Variants in PHACTR1 observed in about 807,000 individuals in gnomAD.
PHACTR1 encodes the protein phosphatase and actin regulator 1, also known as RPEL repeat containing 1.
Under a neutral mutation model 69.2 loss-of-function variants are expected in PHACTR1, and 16 were observed. The observed-to-expected ratio is 0.23, with a 90% CI of 0.16 to 0.35. The LOEUF (loss-of-function observed/expected upper bound fraction) is 0.35. PHACTR1 is among the 10% of genes least tolerant of loss of function. The pLI, the probability that PHACTR1 is intolerant of heterozygous loss-of-function variation, is 1.00. For synonymous variants in PHACTR1, 312 were observed against 284.5 expected (o/e 1.10, Z -0.97); for missense variants, 510 against 734.7 (o/e 0.69, Z 3.54).
intron 4 of PHACTR1, among the ~76,000 whole-genome samples, chr6:12,926,811 C>T (rs1788313657): frequency 6.6e-6 from 1 of 152,220 alleles, no homozygotes; most frequent in Non-Finnish European, 1.5e-5. Flanking sequence ...ATCATGAGCT[C>T]ACAGTACTTA....
rs533376507 is a variant in PHACTR1 at position 13,272,824 on chromosome 6, T to G, written c.1392-36T>G. ...AATTAATGACCCAAGGAGGCTATGA[T>G]ATGGTCCAAAAACTTTTCCTGGATT... On this transcript the variant is annotated intron_variant, in intron 10 of 14. Transcript: ENST00000332995. 4.6e-5 allele frequency: 75 copies of G among 1,614,056 alleles called. No individual in the cohort carries two copies. The South Asian group carries it at 7.7e-4, about 17-fold the overall frequency.
At chr6:13,075,740 A>G (rs139499803) in intron 5 of PHACTR1, among the ~76,000 whole-genome samples, 2 of 152,266 alleles carry the variant, frequency 1.3e-5, no homozygotes, top group East Asian at 3.9e-4. Flanking sequence ...TGGCCAGGCT[A>G]TGTTCAAGTC....
At chr6:13,023,117 A>G (rs1025452229) in intron 4 of PHACTR1, among the ~76,000 whole-genome samples, 2 of 152,214 alleles carry the variant, frequency 1.3e-5, no homozygotes, top group Non-Finnish European at 2.9e-5. Flanking sequence ...TAGATTATCC[A>G]GTGTCCAATT....
chr6:12,939,651 A>G (rs1352550683), intron 4 of PHACTR1, among the ~76,000 whole-genome samples: 1 of 152,148 alleles, frequency 6.6e-6, no homozygotes, highest in Non-Finnish European at 1.5e-5. Context: ...GTGGAATTCT[A>G]CATCTCAGAG....
chr6:12,886,434 T>G (rs1384752999), intron 4 of PHACTR1, among the ~76,000 whole-genome samples: 1 of 152,240 alleles, frequency 6.6e-6, no homozygotes. Context: ...CACTTGTTTC[T>G]ACTAACCGCT....
intron 4 of PHACTR1, among the ~76,000 whole-genome samples, chr6:12,878,424 G>A (rs746482929): frequency 2.2e-4 from 34 of 152,318 alleles, no homozygotes; most frequent in Non-Finnish European, 4.0e-4. Context: ...TTTAACGGTA[G>A]AAAAATGTCA....
chr6:13,012,606 C>G (rs1488449432), intron 4 of PHACTR1, among the ~76,000 whole-genome samples: 1 of 152,172 alleles, frequency 6.6e-6, no homozygotes, highest in Non-Finnish European at 1.5e-5. Context: ...ACCTGGGGAG[C>G]TTGTTAAAGG....
intron 5 of PHACTR1, among the ~76,000 whole-genome samples, chr6:13,092,343 T>C (rs1813424303): frequency 6.6e-6 from 1 of 152,182 alleles, no homozygotes; most frequent in Admixed American, 6.5e-5. Flanking sequence ...TTTTAACAAA[T>C]ATTTCTTGAA....
Position 13,287,205 on chromosome 6 carries a change from A to G in PHACTR1, c.*127A>G. On this transcript the variant is annotated 3_prime_UTR_variant, in exon 15 of 15. Transcript: ENST00000332995. Reference sequence around the variant, plus strand: ...CTGAACTGCCTTTTTTTTAAAAAGAAGAAAAATCAAGGAAACACAATCAGG... The same window carrying G: ...CTGAACTGCCTTTTTTTTAAAAAGAGGAAAAATCAAGGAAACACAATCAGG... 1 of 971,398 alleles carries G rather than the reference A, an allele frequency of 1.0e-6. No homozygotes were observed. Among genetic ancestry groups the G allele is most frequent in the Non-Finnish European group, 1.5e-6 (1 of 663,574 alleles). The allele number at this position is 971,398 out of a possible 1,614,324, so 60.2% of individuals were successfully genotyped here.
intron 4 of PHACTR1, among the ~76,000 whole-genome samples, chr6:12,930,084 C>T (rs1028513946): frequency 6.6e-6 from 1 of 151,654 alleles, no homozygotes; most frequent in Admixed American, 6.6e-5. Context: ...GCTCTGTCAC[C>T]CAGGCTGGAG....
At chr6:12,736,566 T>C (rs1223832299) in intron 3 of PHACTR1, among the ~76,000 whole-genome samples, 1 of 152,184 alleles carries the variant, frequency 6.6e-6, no homozygotes, top group Non-Finnish European at 1.5e-5. Flanking sequence ...ATATCAATAT[T>C]TGTCCACAGC....
chr6:12,837,471 T>C (rs1198479492), intron 4 of PHACTR1, among the ~76,000 whole-genome samples: 1 of 152,178 alleles, frequency 6.6e-6, no homozygotes, highest in Non-Finnish European at 1.5e-5. Flanking sequence ...TTAAAGGCAT[T>C]GTCTCATCAG....
chr6:13,032,655 T>C (rs1228486071), intron 4 of PHACTR1, among the ~76,000 whole-genome samples: 2 of 152,118 alleles, frequency 1.3e-5, no homozygotes, highest in African/African-American at 2.4e-5. Flanking sequence ...TCTAGCTCTG[T>C]TGCCAGGCTG....
intron 4 of PHACTR1, among the ~76,000 whole-genome samples, chr6:12,894,489 C>T (rs1375675660): frequency 6.6e-6 from 1 of 152,220 alleles, no homozygotes; most frequent in Non-Finnish European, 1.5e-5. Flanking sequence ...CCTATAATCC[C>T]ACCTACTTGG....
chr6:12,864,752 G>A lies in PHACTR1; in HGVS notation c.250+114962G>A, dbSNP rs547527195. 3.9e-5 allele frequency among the ~76,000 whole-genome samples: 6 copies of A among 151,916 alleles called. No homozygotes were observed. In the East Asian group the frequency reaches 1.2e-3, roughly 29 times the overall value. The stretch of plus-strand genomic sequence containing the variant: ...TAAATTCTAAGAAATAATTCCTTCA[G>A]TTAATTTGTCCTTTTGAAGAGATTC... On this transcript the variant is annotated intron_variant, in intron 4 of 14. Coordinates refer to ENST00000332995, the MANE Select transcript of PHACTR1 (RefSeq NM_030948.6).
At chr6:13,054,360 T>G (rs1342583185) in intron 5 of PHACTR1, among the ~76,000 whole-genome samples, 2 of 152,218 alleles carry the variant, frequency 1.3e-5, no homozygotes, top group Non-Finnish European at 2.9e-5. Flanking sequence ...CCATTGGGTC[T>G]GTGATCAGAC....
chr6:13,035,414 A>G (rs1243069184), intron 4 of PHACTR1, among the ~76,000 whole-genome samples: 1 of 126,678 alleles, frequency 7.9e-6, no homozygotes, highest in East Asian at 2.6e-4. Context: ...ATATTCCAGA[A>G]AAGTTCTATA....
intron 5 of PHACTR1, among the ~76,000 whole-genome samples, chr6:13,117,682 G>A (rs745849233): frequency 6.6e-6 from 1 of 152,144 alleles, no homozygotes; most frequent in Non-Finnish European, 1.5e-5. Flanking sequence ...TTTTAAAATG[G>A]CATGTAACAT....
rs188818372 is a variant in PHACTR1 at position 13,091,637 on chromosome 6, A to T, written c.415+38108A>T. On this transcript the variant is annotated intron_variant, in intron 5 of 14. Coordinates refer to ENST00000332995, the MANE Select transcript of PHACTR1 (RefSeq NM_030948.6). ...GTAATATATAATGAAATAATTATAC[A>T]ACTCACCATAATGTAGAATCAGTGG... is the stretch of plus-strand genomic sequence containing the variant. 4.6e-5 allele frequency among the ~76,000 whole-genome samples: 7 copies of T among 152,202 alleles called. No individual in the cohort carries two copies. In the East Asian group the frequency reaches 1.2e-3, roughly 25 times the overall value.
Sources: gnomAD v4.1 joint callset for allele counts (sites outside exome capture counted in the v4.1 genomes callset) on GRCh38, gnomAD v4.1.1 for gene constraint, MANE v1.5 for transcripts, NCBI Gene and HGNC (gene_info 2026-07-23, HGNC 2026-07-21) for gene names.